The following PARD3B variants were observed in gnomAD, a reference collection of about 807,000 sequenced individuals.
PARD3B encodes the protein par-3 family cell polarity regulator beta.
Under a neutral mutation model 130.2 loss-of-function variants are expected in PARD3B, and 103 were observed. The ratio of observed to expected loss-of-function variants is 0.79; its 90% CI spans 0.67 to 0.93. The LOEUF is 0.93. PARD3B is among the 40% of genes least tolerant of loss of function. The probability of loss-of-function intolerance (pLI) is 0.00; values close to 1 mark genes in which losing one functional copy is unlikely to be tolerated. For missense variants in PARD3B, 1,609 were observed against 1,499.2 expected (o/e 1.07, Z -1.21); for synonymous variants, 583 against 553.2 (o/e 1.05, Z -0.76).
intron 18 of PARD3B, among the ~76,000 whole-genome samples, chr2:205,333,877 G>C (rs185693852): frequency 6.6e-6 from 1 of 151,566 alleles, no homozygotes; most frequent in Non-Finnish European, 1.5e-5. Flanking sequence ...AGGTATATTT[G>C]TTACTGAAAT....
intron 2 of PARD3B, among the ~76,000 whole-genome samples, chr2:204,939,645 A>G (rs1688749628): frequency 6.6e-6 from 1 of 152,328 alleles, no homozygotes; most frequent in Non-Finnish European, 1.5e-5. Flanking sequence ...GCTTATTCCA[A>G]AAGCTGCTGA....
rs1406598340 is a variant in PARD3B, at chr2:204,669,959, CT to C, written c.121-16221del. 2.1e-4 allele frequency among the ~76,000 whole-genome samples: 32 copies of C among 152,186 alleles called. No homozygotes were observed. Among genetic ancestry groups the C allele is most frequent in the African/African-American group, 7.7e-4 (32 of 41,542 alleles). On this transcript the variant is annotated intron_variant, in intron 1 of 22. Coordinates refer to ENST00000406610, the MANE Select transcript of PARD3B (RefSeq NM_001302769.2). This position sits in a 1 kb window ranked among gnomAD's most constrained non-coding sequence, Gnocchi z 4.3. Reference sequence around the variant, plus strand: ...GAAAGGATGGAAAAGTTGGGGGACTCTAAATTCACTAAGTTCCCATGAATGA... The same window carrying C: ...GAAAGGATGGAAAAGTTGGGGGACTCAAATTCACTAAGTTCCCATGAATGA...
At chr2:205,344,788 T>A (rs1381603902) in intron 18 of PARD3B, among the ~76,000 whole-genome samples, 1 of 152,164 alleles carries the variant, frequency 6.6e-6, no homozygotes, top group Non-Finnish European at 1.5e-5. Context: ...AATTGGACTA[T>A]ATGTGAAATT....
At position 204,664,595 on chromosome 2, in the gene PARD3B, C is replaced by G. The variant is rs2035947078; in HGVS notation, c.121-21586C>G. Among the ~76,000 whole-genome samples the G allele has an allele frequency of 6.6e-6, 1 of 152,062 alleles. No homozygotes were observed. The highest frequency in any genetic ancestry group is 1.5e-5 in the Non-Finnish European group (1 of 68,022). On this transcript the variant is annotated intron_variant, in intron 1 of 22. Coordinates refer to ENST00000406610, the MANE Select transcript of PARD3B (RefSeq NM_001302769.2). The surrounding 1 kb of genome is among the most constrained non-coding windows in gnomAD (Gnocchi z 5.2). Reference sequence around the variant, plus strand: ...TATTTACACACACTTAAAAATGGATCCTGGGTTTTAAGGAAATTTCCTTTT... The same window carrying G: ...TATTTACACACACTTAAAAATGGATGCTGGGTTTTAAGGAAATTTCCTTTT...
At chr2:204,997,052 A>C (rs1411684817) in intron 3 of PARD3B, among the ~76,000 whole-genome samples, 1 of 151,944 alleles carries the variant, frequency 6.6e-6, no homozygotes, top group Non-Finnish European at 1.5e-5. Context: ...TGCGTCGCTC[A>C]CGCTGGGAGC....
rs1164623018 is a variant in PARD3B at position 205,619,885 on chromosome 2, G to T, written c.*4072G>T. 1 of 152,132 alleles carries T rather than the reference G, an allele frequency of 6.6e-6. No homozygotes were observed. Among genetic ancestry groups the T allele is most frequent in the African/African-American group, 2.4e-5 (1 of 41,424 alleles). 9.4% of individuals were successfully genotyped at this position (152,132 alleles called of 1,614,324 possible). The stretch of plus-strand genomic sequence containing the variant: ...AGTGTTCTCCTGTTCCATCTGTAGG[G>T]CTGCTTACTACTGGAACCTAAAACA... On this transcript the variant is annotated 3_prime_UTR_variant, in exon 23 of 23. Transcript: ENST00000406610.
At chr2:204,823,209 G>T (rs2043434065) in intron 2 of PARD3B, among the ~76,000 whole-genome samples, 1 of 152,056 alleles carries the variant, frequency 6.6e-6, no homozygotes, top group African/African-American at 2.4e-5. Context: ...AAGAAAAAGG[G>T]TGTGTGTTAT....
At chr2:204,592,447 T>C (rs542220005) in intron 1 of PARD3B, among the ~76,000 whole-genome samples, 22 of 152,322 alleles carry the variant, frequency 1.4e-4, no homozygotes, top group South Asian at 4.1e-4. Context: ...TTAATAACAA[T>C]TGTGTTTTCT....
At chr2:205,150,089 A>G (rs2033638419) in intron 10 of PARD3B, among the ~76,000 whole-genome samples, 1 of 152,194 alleles carries the variant, frequency 6.6e-6, no homozygotes, top group African/African-American at 2.4e-5. Flanking sequence ...TAGAGCATCC[A>G]TTCTGGGCCT....
chr2:204,804,982 G>C (rs1275085091), intron 2 of PARD3B, among the ~76,000 whole-genome samples: 2 of 151,836 alleles, frequency 1.3e-5, no homozygotes, highest in Non-Finnish European at 2.9e-5. Flanking sequence ...AGTATTAAGA[G>C]AAAAGTCTAC....
intron 2 of PARD3B, among the ~76,000 whole-genome samples, chr2:204,810,766 G>GT (rs1198511918): frequency 2.6e-4 from 40 of 151,550 alleles, no homozygotes; most frequent in Non-Finnish European, 3.5e-4. Flanking sequence ...GGCCTGAAGT[G>GT]TTTTTTTTGT....
intron 16 of PARD3B, among the ~76,000 whole-genome samples, chr2:205,296,913 C>T (rs930911401): frequency 1.3e-5 from 2 of 150,876 alleles, no homozygotes; most frequent in African/African-American, 4.9e-5. Flanking sequence ...TTTAATGAGG[C>T]CACAATTTTA....
intron 11 of PARD3B, among the ~76,000 whole-genome samples, chr2:205,169,226 G>A (rs2035008197): frequency 6.6e-6 from 1 of 152,166 alleles, no homozygotes; most frequent in South Asian, 2.1e-4. Flanking sequence ...GACAGTGAGA[G>A]TGTGTGGATT....
chr2:205,093,596 T>C (rs1393979254), intron 4 of PARD3B, among the ~76,000 whole-genome samples: 1 of 152,154 alleles, frequency 6.6e-6, no homozygotes, highest in African/African-American at 2.4e-5. Flanking sequence ...TAGGTATGTG[T>C]TGAGCATCTC....
At chr2:205,161,934 G>C (rs1439559224) in intron 11 of PARD3B, among the ~76,000 whole-genome samples, 1 of 152,122 alleles carries the variant, frequency 6.6e-6, no homozygotes, top group Non-Finnish European at 1.5e-5. Flanking sequence ...TCTCCTGGGG[G>C]CTTCCATTGG....
chr2:204,645,292 A>G (rs1018522673), intron 1 of PARD3B, among the ~76,000 whole-genome samples: 1 of 152,182 alleles, frequency 6.6e-6, no homozygotes, highest in Non-Finnish European at 1.5e-5. Flanking sequence ...ATGACAATTT[A>G]TTAGAAAAAG....
intron 13 of PARD3B, among the ~76,000 whole-genome samples, chr2:205,180,149 G>T (rs2125772140): frequency 6.6e-6 from 1 of 151,028 alleles, no homozygotes; most frequent in Middle Eastern, 3.4e-3. Context: ...TTTTTCAAAA[G>T]TAGAGAAAAT....
At chr2:205,052,594 T>C (rs1264952954) in intron 4 of PARD3B, among the ~76,000 whole-genome samples, 2 of 151,454 alleles carry the variant, frequency 1.3e-5, no homozygotes, top group Non-Finnish European at 2.9e-5. Flanking sequence ...ATTCTATTAC[T>C]TCAGATTTTA....
chr2:205,060,415 T>C (rs1699999987), intron 4 of PARD3B, among the ~76,000 whole-genome samples: 1 of 152,182 alleles, frequency 6.6e-6, no homozygotes, highest in Admixed American at 6.6e-5. Context: ...CATAGAAGAA[T>C]GCATTCAGAT....
Sources: gnomAD v4.1 joint callset for allele counts (sites outside exome capture counted in the v4.1 genomes callset) on GRCh38, gnomAD v4.1.1 for gene constraint, Gnocchi (gnomAD v3.1) non-coding constraint, MANE v1.5 for transcripts, NCBI Gene and HGNC (gene_info 2026-07-23, HGNC 2026-07-21) for gene names.